KCNIP4: variants seen among roughly 807,000 people sequenced by gnomAD.
KCNIP4 encodes the protein potassium voltage-gated channel interacting protein 4.
A neutral mutation model predicts 34.0 loss-of-function variants in KCNIP4; 12 were observed. The observed-to-expected ratio is 0.35, with a 90% CI of 0.23 to 0.57. The LOEUF is 0.57. Among genes scored for constraint, KCNIP4 ranks in the 20% least tolerant of loss-of-function variants. The pLI is 0.83. For missense variants in KCNIP4, 238 were observed against 311.7 expected (o/e 0.76, Z 1.78); for synonymous variants, 124 against 102.2 (o/e 1.21, Z -1.29).
At chr4:21,026,950 T>C (rs1053304274) in intron 1 of KCNIP4, among the ~76,000 whole-genome samples, 1 of 151,128 alleles carries the variant, frequency 6.6e-6, no homozygotes, top group Non-Finnish European at 1.5e-5. Flanking sequence ...TATGGGTCAT[T>C]TGGGGGTTTT....
chr4:21,207,311 A>G (rs1425974903), intron 1 of KCNIP4, among the ~76,000 whole-genome samples: 1 of 152,216 alleles, frequency 6.6e-6, no homozygotes, highest in Non-Finnish European at 1.5e-5. Context: ...AATGCATCTT[A>G]CAACAACTAA....
chr4:21,017,012 A>G (rs1459570410), intron 1 of KCNIP4, among the ~76,000 whole-genome samples: 1 of 152,042 alleles, frequency 6.6e-6, no homozygotes, highest in Non-Finnish European at 1.5e-5. Context: ...CTACCATTTT[A>G]TGAACTCATA....
At chr4:21,637,783 CAAAAAAAAAA>C (rs3050028) in intron 1 of KCNIP4, among the ~76,000 whole-genome samples, 1 of 109,474 alleles carries the variant, frequency 9.1e-6, no homozygotes, top group Non-Finnish European at 1.8e-5. Context: ...AAGTCCGTCT[CAAAAAAAAAA>C]AAAAAAAAAA....
intron 1 of KCNIP4, among the ~76,000 whole-genome samples, chr4:21,326,478 G>C (rs1182384231): frequency 6.7e-6 from 1 of 148,326 alleles, no homozygotes; most frequent in African/African-American, 2.5e-5. Flanking sequence ...TTTTTTTTCA[G>C]TCTATATGTA....
chr4:20,767,302 TATTGTA>T (rs1755501440), intron 3 of KCNIP4: 1 of 152,186 alleles, frequency 6.6e-6, no homozygotes, highest in Non-Finnish European at 1.5e-5. Context: ...AAGAAAGGAA[TATTGTA>T]ATTGTAAATG....
chr4:21,454,212 A>C (rs11934595), intron 1 of KCNIP4, among the ~76,000 whole-genome samples: 1,769 of 152,150 alleles, frequency 0.012, 40 homozygotes, highest in African/African-American at 0.041. Flanking sequence ...CTTTTCTCAC[A>C]ATCTCCCAAC....
intron 1 of KCNIP4, among the ~76,000 whole-genome samples, chr4:20,921,402 T>C (rs1375163366): frequency 1.3e-5 from 2 of 152,346 alleles, no homozygotes; most frequent in East Asian, 3.9e-4. Flanking sequence ...TACTTTCAGA[T>C]ATATTTTCTG....
intron 1 of KCNIP4, among the ~76,000 whole-genome samples, chr4:21,791,705 G>A (rs1720292209): frequency 6.6e-6 from 1 of 151,928 alleles, no homozygotes; most frequent in African/African-American, 2.4e-5. Flanking sequence ...TTCCTCAGCT[G>A]TAGAAAGCAA....
At chr4:21,359,089 A>T (rs769271866) in intron 1 of KCNIP4, among the ~76,000 whole-genome samples, 1 of 151,294 alleles carries the variant, frequency 6.6e-6, no homozygotes, top group Non-Finnish European at 1.5e-5. Flanking sequence ...GACCTGTCTT[A>T]GATTTTGGGG....
chr4:21,688,052 C>T (rs1349926532), intron 1 of KCNIP4, among the ~76,000 whole-genome samples: 1 of 152,086 alleles, frequency 6.6e-6, no homozygotes, highest in Non-Finnish European at 1.5e-5. Flanking sequence ...GAAATGAACA[C>T]ATTAAATTAC....
chr4:21,809,855 C>T lies in KCNIP4; in HGVS notation c.61+138716G>A, dbSNP rs115660472. On this transcript the variant is annotated intron_variant, in intron 1 of 8. Transcript: ENST00000382152. Reference sequence around the variant, plus strand: ...AGGTCAGACTTATATTAGCCTTTTACGATTCACAAGGGAATTAATGAGACC... The same window carrying T: ...AGGTCAGACTTATATTAGCCTTTTATGATTCACAAGGGAATTAATGAGACC... Among the ~76,000 whole-genome samples the T allele has an allele frequency of 4.2e-3, 635 of 152,260 alleles. 4 individuals are homozygous for T. Among genetic ancestry groups the T allele is most frequent in the African/African-American group, 0.014 (584 of 41,554 alleles).
intron 1 of KCNIP4, among the ~76,000 whole-genome samples, chr4:21,921,463 C>G (rs1238437319): frequency 6.6e-6 from 1 of 152,124 alleles, no homozygotes; most frequent in African/African-American, 2.4e-5. Context: ...AATATATTAT[C>G]TAATATATCC....
chr4:20,780,736 G>T (rs968770140), intron 3 of KCNIP4, among the ~76,000 whole-genome samples: 1 of 152,156 alleles, frequency 6.6e-6, no homozygotes, highest in African/African-American at 2.4e-5. Flanking sequence ...GGAGTTATTA[G>T]CACGGAGAAA....
intron 1 of KCNIP4, among the ~76,000 whole-genome samples, chr4:21,595,717 G>A (rs966707840): frequency 6.6e-6 from 1 of 151,874 alleles, no homozygotes; most frequent in South Asian, 2.1e-4. Flanking sequence ...TATAGTTTAT[G>A]CAAGCAATAA....
At chr4:20,983,725 G>T in intron 1 of KCNIP4, 3 of 1,052,176 alleles carry the variant, frequency 2.9e-6, no homozygotes, top group South Asian at 1.5e-5. Context: ...CTTTTACTTT[G>T]AGTATTAAGG....
intron 1 of KCNIP4, among the ~76,000 whole-genome samples, chr4:20,893,208 G>A (rs747904538): frequency 3.3e-5 from 5 of 152,128 alleles, no homozygotes; most frequent in Admixed American, 1.3e-4. Context: ...TGTAAATAAT[G>A]CAATTTCATT....
chr4:20,960,077 C>T (rs1429199520), intron 1 of KCNIP4, among the ~76,000 whole-genome samples: 1 of 152,020 alleles, frequency 6.6e-6, no homozygotes, highest in South Asian at 2.1e-4. Flanking sequence ...CAAATAAATA[C>T]GTCAACAGTG....
intron 1 of KCNIP4, among the ~76,000 whole-genome samples, chr4:21,699,695 G>T (rs112345585): frequency 3.9e-5 from 6 of 152,144 alleles, no homozygotes; most frequent in African/African-American, 1.4e-4. Flanking sequence ...AACATGCTGA[G>T]CCAGGAGAGA....
intron 1 of KCNIP4, among the ~76,000 whole-genome samples, chr4:21,346,658 C>T (rs1192629210): frequency 6.6e-6 from 1 of 152,004 alleles, no homozygotes; most frequent in Non-Finnish European, 1.5e-5. Flanking sequence ...TAGTACATTG[C>T]TTCTCAAACT....
Sources: gnomAD v4.1 joint callset for allele counts (sites outside exome capture counted in the v4.1 genomes callset) on GRCh38, gnomAD v4.1.1 for gene constraint, MANE v1.5 for transcripts, NCBI Gene and HGNC (gene_info 2026-07-23, HGNC 2026-07-21) for gene names.